LRRIQ1: variants seen among roughly 807,000 people sequenced by gnomAD.
LRRIQ1 encodes the protein leucine-rich repeat- and IQ domain-containing protein 1.
A neutral mutation model predicts 211.9 loss-of-function variants in LRRIQ1; 210 were observed. The observed-to-expected ratio is 0.99, with a 90% CI of 0.89 to 1.11. LRRIQ1 has a LOEUF of 1.11. Ranked by LOEUF, LRRIQ1 falls within the 50% of genes most tolerant of loss-of-function variation. The probability of loss-of-function intolerance (pLI) is 0.00; values close to 1 mark genes in which losing one functional copy is unlikely to be tolerated. For synonymous variants in LRRIQ1, 699 were observed against 650.1 expected (o/e 1.08, Z -1.14); for missense variants, 2,136 against 1,939.5 (o/e 1.10, Z -1.90).
At chr12:85,090,500 G>T (rs190937076) in intron 11 of LRRIQ1, among the ~76,000 whole-genome samples, 13 of 152,310 alleles carry the variant, frequency 8.5e-5, no homozygotes, top group Non-Finnish European at 7.4e-5. Flanking sequence ...AGTTTTCCCA[G>T]ACCTTGGAAG....
At chr12:85,180,938 G>T (rs1467647301) in intron 24 of LRRIQ1, among the ~76,000 whole-genome samples, 1 of 151,752 alleles carries the variant, frequency 6.6e-6, no homozygotes, top group Admixed American at 6.6e-5. Flanking sequence ...CGGTAATGGT[G>T]AATACAAATA....
At chr12:85,108,285 T>C (rs1428312134) in intron 15 of LRRIQ1, among the ~76,000 whole-genome samples, 1 of 152,158 alleles carries the variant, frequency 6.6e-6, no homozygotes, top group Non-Finnish European at 1.5e-5. Flanking sequence ...TTAGCCCTAC[T>C]ACTATGATGA....
Position 85,106,593 on chromosome 12 carries a change from C to T in LRRIQ1, c.3355C>T (p.Leu1119Phe). 6.2e-7 allele frequency: 1 copy of T among 1,611,812 alleles called. No individual in the cohort carries two copies. Among genetic ancestry groups the T allele is most frequent in the Non-Finnish European group, 8.5e-7 (1 of 1,178,518 alleles). ...TGAATTGTCTCTTACTGGAAACCCA[C>T]TTCTTCAAGAAACAAACTGGAGGTA... Reference protein sequence around the residue: ...LHELSLTGNPLLQETNWRDSL... With the variant: ...LHELSLTGNPFLQETNWRDSL... Residue 1119 changes from leucine to phenylalanine, a missense_variant, in exon 15 of 27, where the codon CTT becomes TTT. Transcript: ENST00000393217.
chr12:85,183,454 C>T (rs1892085464), intron 24 of LRRIQ1, among the ~76,000 whole-genome samples: 1 of 152,014 alleles, frequency 6.6e-6, no homozygotes, highest in African/African-American at 2.4e-5. Context: ...TGCCAACTAG[C>T]TCAACTCAGA....
At chr12:85,132,104 T>C (rs1888804773) in intron 18 of LRRIQ1, among the ~76,000 whole-genome samples, 1 of 152,052 alleles carries the variant, frequency 6.6e-6, no homozygotes, top group Admixed American at 6.6e-5. Context: ...CCCTGATGAT[T>C]TGAGCAGGAT....
downstream of LRRIQ1, among the ~76,000 whole-genome samples, chr12:85,265,634 G>A (rs1410175214): frequency 3.9e-5 from 6 of 152,052 alleles, no homozygotes; most frequent in African/African-American, 1.2e-4. Context: ...ATTGTGATTA[G>A]GGTGTACTTA....
chr12:85,245,137 G>T, downstream of LRRIQ1: 1 of 894,760 alleles, frequency 1.1e-6, no homozygotes, highest in Non-Finnish European at 1.6e-6. Context: ...TTGTATTTGG[G>T]GCTTCAATAT....
At chr12:85,217,038 T>C (rs1240568551) in intron 24 of LRRIQ1, among the ~76,000 whole-genome samples, 1 of 152,008 alleles carries the variant, frequency 6.6e-6, no homozygotes, top group Non-Finnish European at 1.5e-5. Flanking sequence ...TATTTTTAAT[T>C]ATTGCTTTGC....
chr12:85,143,088 G>T (rs2136597694), intron 19 of LRRIQ1, among the ~76,000 whole-genome samples: 1 of 151,688 alleles, frequency 6.6e-6, no homozygotes, highest in East Asian at 1.9e-4. Context: ...GTGTGTGAGG[G>T]TTCCCTTTTG....
chr12:85,095,591 T>C (rs761147658), intron 11 of LRRIQ1, among the ~76,000 whole-genome samples: 28 of 152,074 alleles, frequency 1.8e-4, no homozygotes, highest in Non-Finnish European at 3.4e-4. Flanking sequence ...TCTGTTGTTG[T>C]TCTGTCACTG....
intron 19 of LRRIQ1, among the ~76,000 whole-genome samples, chr12:85,151,999 A>G (rs1276875718): frequency 6.6e-6 from 1 of 151,714 alleles, no homozygotes; most frequent in Non-Finnish European, 1.5e-5. Flanking sequence ...TCATAGTTAT[A>G]AACAGTTAAA....
intron 25 of LRRIQ1, among the ~76,000 whole-genome samples, chr12:85,232,102 C>G: frequency 6.6e-6 from 1 of 152,080 alleles, no homozygotes; most frequent in South Asian, 2.1e-4. Flanking sequence ...AACCCTTACT[C>G]ATAAATAAGT....
At chr12:85,207,023 A>G (rs2137047849) in intron 24 of LRRIQ1, among the ~76,000 whole-genome samples, 1 of 152,160 alleles carries the variant, frequency 6.6e-6, no homozygotes. Flanking sequence ...TCCTGCCACT[A>G]CCACTTCCCT....
chr12:85,260,220 G>A (rs904060059), intron 1 of LRRIQ1, among the ~76,000 whole-genome samples: 2 of 150,610 alleles, frequency 1.3e-5, no homozygotes, highest in South Asian at 4.2e-4. Context: ...GTTGAGATGA[G>A]AGGATCACTT....
At chr12:85,184,890 T>G (rs1592936652) in intron 24 of LRRIQ1, among the ~76,000 whole-genome samples, 1 of 151,986 alleles carries the variant, frequency 6.6e-6, no homozygotes, top group Non-Finnish European at 1.5e-5. Context: ...GAACTAAACT[T>G]AAAATATGAT....
chr12:85,143,564 G>A (rs886276301), intron 19 of LRRIQ1, among the ~76,000 whole-genome samples: 6 of 151,500 alleles, frequency 4.0e-5, no homozygotes, highest in South Asian at 2.1e-4. Flanking sequence ...TGGAGTGTTC[G>A]TGGTTTAATT....
intron 15 of LRRIQ1, among the ~76,000 whole-genome samples, chr12:85,114,806 G>A (rs1887457902): frequency 6.6e-6 from 1 of 152,140 alleles, no homozygotes; most frequent in East Asian, 1.9e-4. Context: ...CTTAATTTGA[G>A]AAATTCATTT....
chr12:85,086,736 A>G (rs1884863790), intron 11 of LRRIQ1, among the ~76,000 whole-genome samples: 1 of 151,952 alleles, frequency 6.6e-6, no homozygotes, highest in Admixed American at 6.6e-5. Context: ...AGGTGGTGCC[A>G]CTTCACCAGA....
rs1895651538 is a variant in LRRIQ1 at position 85,244,940 on chromosome 12, A to G, written c.5168A>G (p.Ter1723TrpextTer6). Residue 1723 changes from the stop codon to tryptophan, a stop_lost, in exon 27 of 27, where the codon TAG (stop) becomes TGG (tryptophan). Coordinates refer to ENST00000393217, the MANE Select transcript of LRRIQ1 (RefSeq NM_001079910.2). Reference protein sequence around the residue: ...SKLWFPSKLI* With the variant: ...SKLWFPSKLIW ...TTGTGGTTTCCTTCAAAATTAATTT[A>G]GAAATCACAAACGAATTGATGGAAC... 1 of 1,609,672 alleles carries G rather than the reference A, an allele frequency of 6.2e-7. No homozygotes were observed. The highest frequency in any genetic ancestry group is 8.5e-7 in the Non-Finnish European group (1 of 1,177,476).
Sources: gnomAD v4.1 joint callset for allele counts (sites outside exome capture counted in the v4.1 genomes callset) on GRCh38, gnomAD v4.1.1 for gene constraint, MANE v1.5 for transcripts, NCBI Gene and HGNC (gene_info 2026-07-23, HGNC 2026-07-21) for gene names.